MANBA: variants seen among roughly 807,000 people sequenced by gnomAD.
The protein encoded by MANBA is mannosidase beta, also known as beta-mannosidase.
MANBA carries 83 observed loss-of-function variants against 111.1 expected under a neutral mutation model. The ratio of observed to expected loss-of-function variants is 0.75; its 90% CI spans 0.63 to 0.90. The LOEUF (loss-of-function observed/expected upper bound fraction) is 0.90. MANBA is among the 40% of genes least tolerant of loss of function. The pLI, the probability that MANBA is intolerant of heterozygous loss-of-function variation, is 0.00. For missense variants in MANBA, 1,036 were observed against 1,069.0 expected (o/e 0.97, Z 0.43); for synonymous variants, 370 against 378.7 (o/e 0.98, Z 0.27).
intron 1 of MANBA, among the ~76,000 whole-genome samples, chr4:102,739,579 G>A (rs1723332984): frequency 6.6e-6 from 1 of 152,028 alleles, no homozygotes; most frequent in Non-Finnish European, 1.5e-5. Flanking sequence ...AAATCCAACA[G>A]GATACCAAAA....
intron 12 of MANBA, among the ~76,000 whole-genome samples, chr4:102,657,343 G>C (rs1730610349): frequency 6.6e-6 from 1 of 151,986 alleles, no homozygotes; most frequent in African/African-American, 2.4e-5. Context: ...GAAATATCCA[G>C]CTCTGAATAT....
At chr4:102,650,502 G>T (rs1313852935) in intron 13 of MANBA, 35 bp downstream of exon 13, 1 of 1,571,574 alleles carries the variant, frequency 6.4e-7, no homozygotes, top group East Asian at 2.2e-5. Context: ...ATTAATTGCA[G>T]GAACCTGTTC....
At chr4:102,719,782 G>A (rs1722492130) in intron 4 of MANBA, among the ~76,000 whole-genome samples, 1 of 152,184 alleles carries the variant, frequency 6.6e-6, no homozygotes, top group African/African-American at 2.4e-5. Context: ...CACAAAGCCA[G>A]AATTCAGACC....
chr4:102,631,842 C>A lies in MANBA; in HGVS notation c.*215G>T. On this transcript the variant is annotated 3_prime_UTR_variant, in exon 17 of 17. Coordinates refer to ENST00000647097, the MANE Select transcript of MANBA (RefSeq NM_005908.4). ...CAGTCCTGGCACAGATTCCAGGACA[C>A]CCCGGCACAGGCTTGTTTGAGGACA... 1 of 629,992 alleles carries A rather than the reference C, an allele frequency of 1.6e-6. No individual in the cohort carries two copies. Among genetic ancestry groups the A allele is most frequent in the Non-Finnish European group, 2.8e-6 (1 of 353,142 alleles). The allele number at this position is 629,992 out of a possible 1,614,324, so 39.0% of individuals were successfully genotyped here.
chr4:102,702,743 A>G (rs76615823), intron 5 of MANBA, among the ~76,000 whole-genome samples: 2,884 of 152,166 alleles, frequency 0.019, 50 homozygotes, highest in Middle Eastern at 0.027. Context: ...TAAATGTTTA[A>G]TAGCCTTCTT....
chr4:102,674,607 C>T (rs568516134), intron 7 of MANBA, among the ~76,000 whole-genome samples: 37 of 152,160 alleles, frequency 2.4e-4, no homozygotes, highest in Admixed American at 1.3e-4. Flanking sequence ...GCTCTGGTTT[C>T]TTGACTGGAG....
At chr4:102,730,539 T>G in intron 1 of MANBA, 1 of 532,264 alleles carries the variant, frequency 1.9e-6, no homozygotes, top group Admixed American at 1.9e-5. Context: ...GATTTTTCTA[T>G]GAGAAATAAG....
Position 102,724,420 on chromosome 4 carries a change from G to A in MANBA, c.273-453C>T, listed in dbSNP as rs535814573. Reference sequence around the variant, plus strand: ...TAAAATTACAAAAAACTAGCCAGGCGTGGTGGCGGGTGCCTGTAATCCAAG... The same window carrying A: ...TAAAATTACAAAAAACTAGCCAGGCATGGTGGCGGGTGCCTGTAATCCAAG... On this transcript the variant is annotated intron_variant, in intron 2 of 16. Coordinates refer to ENST00000647097, the MANE Select transcript of MANBA (RefSeq NM_005908.4). Among the ~76,000 whole-genome samples the A allele has an allele frequency of 2.0e-4, 31 of 152,122 alleles. No individual in the cohort carries two copies. In the East Asian group the frequency reaches 2.7e-3, roughly 13 times the overall value.
At chr4:102,653,049 C>G (rs1459616502) in intron 12 of MANBA, among the ~76,000 whole-genome samples, 2 of 152,120 alleles carry the variant, frequency 1.3e-5, no homozygotes, top group East Asian at 1.9e-4. Context: ...CCAGAAGGAT[C>G]TGAAGAAAAT....
intron 1 of MANBA, among the ~76,000 whole-genome samples, chr4:102,733,399 G>C (rs935939843): frequency 3.3e-5 from 5 of 151,220 alleles, no homozygotes; most frequent in Non-Finnish European, 7.4e-5. Flanking sequence ...TGTCACCCAG[G>C]CTGGAGTGCA....
At chr4:102,741,236 A>G (rs981169091) in intron 1 of MANBA, among the ~76,000 whole-genome samples, 1 of 152,210 alleles carries the variant, frequency 6.6e-6, no homozygotes, top group Non-Finnish European at 1.5e-5. Flanking sequence ...CAAAACCACA[A>G]TGAGATACTC....
At chr4:102,692,526 T>C (rs1732527129) in intron 5 of MANBA, among the ~76,000 whole-genome samples, 1 of 152,190 alleles carries the variant, frequency 6.6e-6, no homozygotes, top group African/African-American at 2.4e-5. Context: ...TGGGACAGAC[T>C]TGGGACAAGA....
chr4:102,731,199 A>G (rs1357642605), intron 1 of MANBA, among the ~76,000 whole-genome samples: 3 of 152,002 alleles, frequency 2.0e-5, no homozygotes, highest in African/African-American at 7.2e-5. Context: ...AAAAAAAAAA[A>G]GATTGGCTTC....
chr4:102,760,674 A>G lies in MANBA; in HGVS notation c.177+44T>C, dbSNP rs111596644. ...TTCCTGGGCCCCTCTCAGCACCAGAAGAAGGCGGGCGCAGGCTCGCCGCGG... is the reference window on the plus strand; with the variant it reads ...TTCCTGGGCCCCTCTCAGCACCAGAGGAAGGCGGGCGCAGGCTCGCCGCGG... On this transcript the variant is annotated intron_variant, in intron 1 of 16. Transcript: ENST00000647097. The G allele has an allele frequency of 1.8e-3, 2,746 of 1,498,842 alleles. 16 individuals are homozygous for G. The highest frequency in any genetic ancestry group is 0.012 in the Middle Eastern group (51 of 4,314). The allele number at this position is 1,498,842 out of a possible 1,614,324, so 92.8% of individuals were successfully genotyped here.
intron 5 of MANBA, among the ~76,000 whole-genome samples, chr4:102,709,691 G>T (rs554181906): frequency 1.1e-4 from 17 of 151,942 alleles, no homozygotes; most frequent in Non-Finnish European, 2.2e-4. Flanking sequence ...GAGGCAACAA[G>T]AAATAAATAA....
At chr4:102,648,391 G>A (rs1216668368) in intron 13 of MANBA, among the ~76,000 whole-genome samples, 1 of 152,058 alleles carries the variant, frequency 6.6e-6, no homozygotes, top group African/African-American at 2.4e-5. Flanking sequence ...AAACTGAATA[G>A]TATTTGGCAA....
chr4:102,670,758 C>T (rs903855996), intron 9 of MANBA, among the ~76,000 whole-genome samples: 5 of 151,800 alleles, frequency 3.3e-5, no homozygotes, highest in Non-Finnish European at 4.4e-5. Context: ...CCAGCTGCTC[C>T]GGAGGTTGAG....
At chr4:102,672,119 G>A in intron 8 of MANBA, 3 of 398,566 alleles carry the variant, frequency 7.5e-6, no homozygotes, top group Non-Finnish European at 1.3e-5. Flanking sequence ...GGCTGTGTCT[G>A]GAGAAGAATT....
intron 11 of MANBA, among the ~76,000 whole-genome samples, chr4:102,663,666 C>G (rs957879182): frequency 1.3e-5 from 2 of 152,088 alleles, no homozygotes; most frequent in African/African-American, 2.4e-5. Flanking sequence ...ATATCACATA[C>G]TATTTTAAAA....
Sources: gnomAD v4.1 joint callset for allele counts (sites outside exome capture counted in the v4.1 genomes callset) on GRCh38, gnomAD v4.1.1 for gene constraint, MANE v1.5 for transcripts, NCBI Gene and HGNC (gene_info 2026-07-23, HGNC 2026-07-21) for gene names.